Variants in DCST2 observed in about 807,000 individuals in gnomAD.
The protein encoded by DCST2 is DC-STAMP domain-containing protein 2.
Under a neutral mutation model 81.8 loss-of-function variants are expected in DCST2, and 64 were observed. The observed-to-expected ratio is 0.78, with a 90% CI of 0.64 to 0.96. DCST2 has a LOEUF of 0.96. Among genes scored for constraint, DCST2 ranks in the 40% least tolerant of loss-of-function variants. The pLI is 0.00. For synonymous variants in DCST2, 354 were observed against 402.6 expected, an observed-to-expected ratio of 0.88 and a Z score of 1.44; for missense variants, 945 against 1,001.4, an observed-to-expected ratio of 0.94 and a Z score of 0.76.
intron 2 of DCST2, 100 bp from the exon 3 acceptor site, chr1:155,032,868 C>T: frequency 1.6e-6 from 2 of 1,212,792 alleles, no homozygotes; most frequent in Admixed American, 1.9e-5. Context: ...GCCACCATTT[C>T]CAGAGGCGGG....
Position 155,029,237 on chromosome 1 carries a change from G to A in DCST2, c.1338C>T (p.Ala446=), listed in dbSNP as rs1386732543. The change falls in exon 8 of 15, where the codon GCC becomes GCT. Residue 446 remains alanine (A), a synonymous_variant. Coordinates refer to ENST00000368424, the MANE Select transcript of DCST2 (RefSeq NM_144622.3). ...ARHQLQGEIV[A]RSPVLVSLTV... is the part of the protein sequence containing the mutation. ...GGCTGTCACGTAGGCACTCACTGCG[G>A]GCCACAATCTCCCCCTGCAGCTGGT... 1.9e-6 allele frequency: 3 copies of A among 1,613,200 alleles called. No individual in the cohort carries two copies. Among genetic ancestry groups the A allele is most frequent in the South Asian group, 1.1e-5 (1 of 91,040 alleles).
Position 155,023,912 on chromosome 1 carries a change from G to T in DCST2, c.1790C>A (p.Ala597Asp), listed in dbSNP as rs749869584. The T allele has an allele frequency of 6.2e-7, 1 of 1,613,622 alleles. No individual in the cohort carries two copies. The highest frequency in any genetic ancestry group is 2.2e-5 in the East Asian group (1 of 44,880). Residue 597 changes from alanine (A) to aspartate (D), a missense_variant, in exon 12 of 15, where the codon GCC (alanine) becomes GAC (aspartate). Transcript: ENST00000368424. ...PFVSHFWLHQ[A>D]YCLGCGQPQD... ...GGGCTGCCCACAGCCCAGGCAGTAG[G>T]CCTGATGCAGCCAAAAGTGGCTGAC...
intron 12 of DCST2, 163 bp from the exon 13 acceptor site, chr1:155,023,620 C>A: frequency 6.5e-7 from 1 of 1,546,752 alleles, no homozygotes; most frequent in Non-Finnish European, 8.7e-7. Flanking sequence ...GCATATAAAT[C>A]CTATTCATAA....
chr1:155,023,554 T>A, intron 12 of DCST2, 97 bp from the exon 13 acceptor site: 1 of 1,547,740 alleles, frequency 6.5e-7, no homozygotes, highest in Non-Finnish European at 8.7e-7. Flanking sequence ...ATCACAGACC[T>A]GGATGAACCA....
intron 14 of DCST2, among the ~76,000 whole-genome samples, chr1:155,020,352 C>G (rs1051650466): frequency 1.3e-5 from 2 of 152,090 alleles, no homozygotes; most frequent in Admixed American, 6.5e-5. Flanking sequence ...GAGCCACATA[C>G]CATATTTCTG....
chr1:155,026,185 G>A, intron 10 of DCST2, 117 bp downstream of exon 10: 1 of 918,074 alleles, frequency 1.1e-6, no homozygotes, highest in South Asian at 1.6e-5. Context: ...AGTTCAACCA[G>A]AGGAGAGCGG....
Position 155,026,713 on chromosome 1 carries a change from G to A in DCST2, c.1345C>T (p.Pro449Ser), listed in dbSNP as rs144159530. The A allele has an allele frequency of 6.2e-7, 1 of 1,614,104 alleles. No homozygotes were observed. Among genetic ancestry groups the A allele is most frequent in the Non-Finnish European group, 8.5e-7 (1 of 1,180,032 alleles). ...QLQGEIVARS[P>S]VLVSLTVEGT... The stretch of plus-strand genomic sequence containing the variant: ...TCCACGGTTAGAGACACCAACACAG[G>A]ACCTGGCACAAAGACACTGTGTGAG... Residue 449 changes from proline (P) to serine (S), a missense_variant and splice_region_variant, in exon 9 of 15, where the codon CCT becomes TCT. By Grantham distance (74) the Pro-to-Ser change is moderately conservative. Transcript: ENST00000368424.
chr1:155,021,148 G>A (rs1659745041), intron 14 of DCST2, among the ~76,000 whole-genome samples: 2 of 151,804 alleles, frequency 1.3e-5, no homozygotes, highest in South Asian at 2.1e-4. Context: ...TAACAGGTGC[G>A]TGCCACCACT....
intron 6 of DCST2, 91 bp from the exon 7 acceptor site, chr1:155,030,332 C>G (rs548914229): frequency 6.3e-7 from 1 of 1,597,360 alleles, no homozygotes; most frequent in Non-Finnish European, 8.5e-7. Context: ...ACAACTTCAA[C>G]CTCCCTGGAT....
At chr1:155,029,771 C>T (rs1483882384) in intron 7 of DCST2, among the ~76,000 whole-genome samples, 2 of 152,222 alleles carry the variant, frequency 1.3e-5, no homozygotes, top group Non-Finnish European at 2.9e-5. Context: ...TGACTTCCCT[C>T]GCTCTGTGTC....
chr1:155,024,606 G>C lies in DCST2; in HGVS notation c.1612-4C>G. On this transcript the variant is annotated splice_region_variant and splice_polypyrimidine_tract_variant and intron_variant, in intron 10 of 14. Transcript: ENST00000368424. ...TGTACAGGTAGGAGATCCTCTCCTG[G>C]TGCGGGGAGATCAGGGATGGGGTCC... is the stretch of plus-strand genomic sequence containing the variant. The C allele has an allele frequency of 6.3e-7, 1 of 1,591,842 alleles. No homozygotes were observed. The highest frequency in any genetic ancestry group is 8.6e-7 in the Non-Finnish European group (1 of 1,169,038).
At position 155,026,401 on chromosome 1, in the gene DCST2, G is replaced by T. The variant is rs896377649; in HGVS notation, c.1512C>A (p.Gly504=). The T allele has an allele frequency of 6.2e-7, 1 of 1,613,528 alleles. No individual in the cohort carries two copies. Among genetic ancestry groups the T allele is most frequent in the African/African-American group, 1.3e-5 (1 of 74,890 alleles). Residue 504 remains glycine, a splice_region_variant and synonymous_variant, in exon 10 of 15, where the codon GGC becomes GGA. Coordinates refer to ENST00000368424, the MANE Select transcript of DCST2 (RefSeq NM_144622.3). ...TGAAGAAGCATAGGCCATACATGAC[G>T]CCTGGGAGCACAGCAGCCACAGTCA... The part of the protein sequence containing the change: ...EPDSTGYIVI[G]VMYGLCFFIT...
At chr1:155,032,562 C>T (rs1193993752) in intron 3 of DCST2, 105 bp downstream of exon 3, 14 of 869,080 alleles carry the variant, frequency 1.6e-5, no homozygotes, top group Non-Finnish European at 2.6e-5. Context: ...AGTGATTCTC[C>T]CACCTCGGCC....
intron 14 of DCST2, 39 bp downstream of exon 14, chr1:155,023,078 C>T: frequency 6.3e-7 from 1 of 1,599,080 alleles, no homozygotes; most frequent in Non-Finnish European, 8.5e-7. Context: ...ATGCTTAGGA[C>T]TCACAATTCC....
chr1:155,018,881 GCT>G, intron 14 of DCST2, 121 bp from the exon 15 acceptor site: 2 of 968,844 alleles, frequency 2.1e-6, no homozygotes, highest in East Asian at 2.6e-5. Context: ...AGCAACTCCT[GCT>G]CTCTCAGGCC....
intron 14 of DCST2, among the ~76,000 whole-genome samples, chr1:155,020,340 AG>A (rs1285494663): frequency 6.6e-6 from 1 of 152,150 alleles, no homozygotes; most frequent in Non-Finnish European, 1.5e-5. Flanking sequence ...ACAGTGATGC[AG>A]GAGCCACATA....
chr1:155,023,597 T>C (rs1223095552), intron 12 of DCST2, 140 bp from the exon 13 acceptor site: 1 of 1,546,304 alleles, frequency 6.5e-7, no homozygotes, highest in South Asian at 1.2e-5. Context: ...AGGGAGCTGC[T>C]GCAATGCCAC....
rs777101890 is a variant in DCST2 at position 155,033,104 on chromosome 1, T to C, written c.429A>G (p.Gln143=). The C allele has an allele frequency of 7.0e-6, 11 of 1,575,728 alleles. No homozygotes were observed. Among genetic ancestry groups the C allele is most frequent in the Non-Finnish European group, 9.5e-6 (11 of 1,162,236 alleles). The change falls in exon 2 of 15, where the codon CAA becomes CAG. Residue 143 remains glutamine (Q), a synonymous_variant. Coordinates refer to ENST00000368424, the MANE Select transcript of DCST2 (RefSeq NM_144622.3). ...AGGTGGGGGACTTACTGACAAGAGG[T>C]TGCTTGGCCCTCTGTAGCACTTCGG... The part of the protein sequence containing the change: ...QTAEVLQRAK[Q]PLVSALNKIK...
Position 155,033,763 on chromosome 1 carries a change from G to GT in DCST2, c.-63_-62insA. The GT allele has an allele frequency of 1.3e-6, 2 of 1,572,114 alleles. No individual in the cohort carries two copies. The highest frequency in any genetic ancestry group is 1.7e-6 in the Non-Finnish European group (2 of 1,159,254). On this transcript the variant is annotated 5_prime_UTR_variant, in exon 1 of 15. Coordinates refer to ENST00000368424, the MANE Select transcript of DCST2 (RefSeq NM_144622.3). ...ATGCCCGCTGACTTCTGTGCTCCTG[G>GT]AATTTCTCACCGTATTCTAAGGTTC... is the stretch of plus-strand genomic sequence containing the variant.
Sources: allele counts gnomAD v4.1 joint callset (sites outside exome capture counted in the v4.1 genomes callset), GRCh38; gene constraint gnomAD v4.1.1; transcripts MANE v1.5; gene names NCBI Gene and HGNC (gene_info 2026-07-23, HGNC 2026-07-21).